GIGYF2: variants seen among roughly 807,000 people sequenced by gnomAD.
The protein encoded by GIGYF2 is GRB10 interacting GYF protein 2, also known as GRB10-interacting GYF protein 2.
GIGYF2 carries 25 observed loss-of-function variants against 208.1 expected under a neutral mutation model. The ratio of observed to expected loss-of-function variants is 0.12; its 90% CI spans 0.09 to 0.17. GIGYF2 has a LOEUF of 0.17. Among genes scored for constraint, GIGYF2 ranks in the 10% least tolerant of loss-of-function variants. GIGYF2 has a pLI of 1.00. For missense variants in GIGYF2, 1,302 were observed against 1,579.4 expected (o/e 0.82, Z 2.98); for synonymous variants, 534 against 543.8 (o/e 0.98, Z 0.25).
chr2:232,784,470 A>G (rs1246352253), intron 8 of GIGYF2, among the ~76,000 whole-genome samples: 3 of 135,392 alleles, frequency 2.2e-5, no homozygotes, highest in African/African-American at 8.3e-5. Context: ...GCTCACTGCA[A>G]GCTCCACCTC....
At chr2:232,811,222 C>CT (rs3217560) in intron 16 of GIGYF2, 22 bp from the exon 17 acceptor site, 21,552 of 1,192,296 alleles carry the variant, frequency 0.018, 73 homozygotes, top group Admixed American at 0.035. Flanking sequence ...ACAGGTTATA[C>CT]TTTTTTTTTT....
rs1331242929 is a variant in GIGYF2, at chr2:232,836,298, A to ACT, written c.2766+3205_2766+3206insCT. Among the ~76,000 whole-genome samples the ACT allele has an allele frequency of 7.5e-3, 155 of 20,532 alleles. 14 individuals carry two copies. Among genetic ancestry groups the ACT allele is most frequent in the East Asian group, 0.012 (14 of 1,200 alleles). 13.5% of individuals were successfully genotyped at this position (20,532 alleles called of 152,430 possible). A position where few individuals can be genotyped will look rare whatever the true frequency, so the allele number is the denominator to read the frequency against. ...TATATATATATATATATATATATAT[A>ACT]TATATATATATATATATATATATAT... On this transcript the variant is annotated intron_variant, in intron 22 of 28. Coordinates refer to ENST00000373563, the MANE Select transcript of GIGYF2 (RefSeq NM_001103146.3).
intron 3 of GIGYF2, among the ~76,000 whole-genome samples, chr2:232,746,239 T>G (rs990889014): frequency 6.6e-6 from 1 of 152,206 alleles, no homozygotes; most frequent in Admixed American, 6.5e-5. Context: ...CTTTAAATAT[T>G]ACTTTATTCT....
At chr2:232,848,814 C>CT (rs1322181828) in intron 27 of GIGYF2, among the ~76,000 whole-genome samples, 1 of 152,064 alleles carries the variant, frequency 6.6e-6, no homozygotes, top group Non-Finnish European at 1.5e-5. Context: ...GTTTTTTGCT[C>CT]TGAGTATGTG....
chr2:232,762,677 T>TA lies in GIGYF2; in HGVS notation c.532+1244dup, dbSNP rs543535091. Among the ~76,000 whole-genome samples the TA allele has an allele frequency of 4.9e-4, 74 of 152,294 alleles. 1 individual carries two copies. The East Asian group carries it at 0.014, about 28-fold the overall frequency. ...TGTATCACTGTTTCTGTTAAAAACT[T>TA]AAAGATATCAATAATTAAAATTTCT... On this transcript the variant is annotated intron_variant, in intron 8 of 28. Transcript: ENST00000373563.
intron 8 of GIGYF2, among the ~76,000 whole-genome samples, chr2:232,771,854 CTTA>C (rs1699266783): frequency 6.6e-6 from 1 of 152,120 alleles, no homozygotes. Flanking sequence ...CATTTGGAAG[CTTA>C]TTATTAAACT....
intron 13 of GIGYF2, among the ~76,000 whole-genome samples, chr2:232,795,390 C>T (rs1700194304): frequency 6.6e-6 from 1 of 152,150 alleles, no homozygotes; most frequent in Non-Finnish European, 1.5e-5. Context: ...TAAGTGATAG[C>T]TTGCTTTTCT....
Position 232,701,548 on chromosome 2 carries a change from G to C in GIGYF2, c.-109-1876G>C, listed in dbSNP as rs1695845080. Among the ~76,000 whole-genome samples, 3 of 151,538 alleles carry C rather than the reference G, an allele frequency of 2.0e-5. 1 individual carries two copies. The South Asian group carries it at 6.2e-4, about 32-fold the overall frequency. On this transcript the variant is annotated intron_variant, in intron 1 of 28. Coordinates refer to ENST00000373563, the MANE Select transcript of GIGYF2 (RefSeq NM_001103146.3). ...AGGCTCAAGCCATCCTCCCACCTCA[G>C]CCTCCTAAGTAACTGGGATTATAGG...
At position 232,811,318 on chromosome 2, in the gene GIGYF2, T is replaced by C. The variant is rs1298536365; in HGVS notation, c.1973T>C (p.Leu658Pro). The C allele has an allele frequency of 6.2e-7, 1 of 1,610,316 alleles. No individual in the cohort carries two copies. Among genetic ancestry groups the C allele is most frequent in the Non-Finnish European group, 8.5e-7 (1 of 1,176,580 alleles). ...LSSQQQQQLA[L>P]LLQQFQTLKM... ...TCCCAGCAGCAGCAGCAGTTGGCAC[T>C]TCTTCTTCAACAGTTTCAGACCTTG... The change falls in exon 17 of 29, where the codon CTT (leucine) becomes CCT (proline). Residue 658 changes from leucine (L) to proline (P), a missense_variant. Around this residue, in one of 8 missense-constraint regions of GIGYF2, gnomAD observed 701 missense variants for 793.0 expected, o/e 0.88. Transcript: ENST00000373563.
At chr2:232,832,770 A>G in intron 21 of GIGYF2, 87 bp from the exon 22 acceptor site, 1 of 971,920 alleles carries the variant, frequency 1.0e-6, no homozygotes, top group Non-Finnish European at 1.6e-6. Flanking sequence ...CTCTATAGCC[A>G]TTTGACAGAA....
chr2:232,725,039 A>C (rs916353879), intron 2 of GIGYF2, among the ~76,000 whole-genome samples: 1 of 152,200 alleles, frequency 6.6e-6, no homozygotes, highest in Admixed American at 6.5e-5. Context: ...ATATAATCAT[A>C]TTCTCTGTAT....
At chr2:232,820,232 AAAAT>A (rs1465695346) in intron 21 of GIGYF2, among the ~76,000 whole-genome samples, 2 of 152,148 alleles carry the variant, frequency 1.3e-5, no homozygotes, top group Non-Finnish European at 2.9e-5. Flanking sequence ...GAAATGTTGT[AAAAT>A]ACATGGTCTT....
intron 4 of GIGYF2, 42 bp downstream of exon 4, chr2:232,747,786 T>G: frequency 6.4e-7 from 1 of 1,571,214 alleles, no homozygotes; most frequent in Non-Finnish European, 8.7e-7. Context: ...GAATGAGACT[T>G]TGGGATATAT....
chr2:232,706,179 C>T (rs796858669), intron 2 of GIGYF2, among the ~76,000 whole-genome samples: 11 of 152,250 alleles, frequency 7.2e-5, no homozygotes, highest in African/African-American at 2.6e-4. Flanking sequence ...ACAGATGTGA[C>T]TTATGTTACT....
In GIGYF2 at chr2:232,816,882, GAGA is replaced by G. The variant is rs1474127161; in HGVS notation, c.2224_2226del (p.Arg742del). 1.3e-5 allele frequency: 21 copies of G among 1,612,890 alleles called. No individual in the cohort carries two copies. The highest frequency in any genetic ancestry group is 1.8e-5 in the Non-Finnish European group (21 of 1,179,044). ...TTGTGTAATCACAGCTAGAGCAAGAGAGAAGAGAGGCAGAAATGAGGGCAAAAC... is the reference window on the plus strand; with the variant it reads ...TTGTGTAATCACAGCTAGAGCAAGAGAGAGAGGCAGAAATGAGGGCAAAAC... On this transcript the variant is annotated inframe_deletion, in exon 20 of 29. Transcript: ENST00000373563.
chr2:232,759,922 T>C (rs1698682680), intron 6 of GIGYF2, among the ~76,000 whole-genome samples: 1 of 152,184 alleles, frequency 6.6e-6, no homozygotes, highest in Admixed American at 6.5e-5. Context: ...AACTTCAAGA[T>C]TTGGGTGTAG....
At chr2:232,810,939 A>G (rs1574911526) in intron 16 of GIGYF2, 2 of 297,254 alleles carry the variant, frequency 6.7e-6, no homozygotes, top group Admixed American at 4.8e-5. Flanking sequence ...GGAGTTTACC[A>G]ATTTTTGACA....
At chr2:232,772,116 A>G (rs1035668845) in intron 8 of GIGYF2, among the ~76,000 whole-genome samples, 1 of 152,138 alleles carries the variant, frequency 6.6e-6, no homozygotes, top group African/African-American at 2.4e-5. Context: ...GGCTCAATAT[A>G]TTGCCTAGGC....
chr2:232,707,241 A>C (rs1450880760), intron 2 of GIGYF2, among the ~76,000 whole-genome samples: 4 of 152,134 alleles, frequency 2.6e-5, no homozygotes, highest in Admixed American at 1.3e-4. Flanking sequence ...AGCGCCTTTT[A>C]TTCAAATTCT....
Sources: gnomAD v4.1 joint callset for allele counts (sites outside exome capture counted in the v4.1 genomes callset) on GRCh38, gnomAD v4.1.1 for gene constraint, gnomAD v4.1.1 regional missense constraint, MANE v1.5 for transcripts, NCBI Gene and HGNC (gene_info 2026-07-23, HGNC 2026-07-21) for gene names.